CCNQ: variants seen among roughly 807,000 people sequenced by gnomAD.
CCNQ encodes cyclin Q, also known as cyclin-Q.
Under a neutral mutation model 17.7 loss-of-function variants are expected in CCNQ, and 3 were observed. The observed-to-expected ratio is 0.17, with a 90% confidence interval of 0.08 to 0.44. The LOEUF is 0.44. Ranked by LOEUF, CCNQ falls within the 20% of genes least tolerant of loss-of-function variation. The pLI, the probability that CCNQ is intolerant of heterozygous loss-of-function variation, is 0.99. For missense variants in CCNQ, 146 were observed against 222.6 expected (o/e 0.66, Z 2.19); for synonymous variants, 73 against 96.0 (o/e 0.76, Z 1.40).
At chrX:153,591,576 A>T (rs1184984966) in intron 4 of CCNQ, among the ~76,000 whole-genome samples, 1 of 111,187 alleles carries the variant, frequency 9.0e-6, no homozygotes, top group Admixed American at 9.5e-5. Context: ...GGCCACACCC[A>T]CCAGATGTCC....
intron 1 of CCNQ, 54 bp downstream of exon 1, chrX:153,598,908 T>A: frequency 1.1e-6 from 1 of 943,733 alleles, no homozygotes; most frequent in Admixed American, 3.9e-5. Context: ...CCGGGCCCGC[T>A]CCGCGAAGCG....
intron 4 of CCNQ, among the ~76,000 whole-genome samples, chrX:153,592,046 T>C (rs1197217409): frequency 1.8e-5 from 2 of 110,579 alleles, no homozygotes; most frequent in Non-Finnish European, 3.8e-5. Flanking sequence ...TATTAATACC[T>C]ATCAATCACC....
chrX:153,596,731 G>T (rs2091031077), intron 1 of CCNQ, among the ~76,000 whole-genome samples: 1 of 112,706 alleles, frequency 8.9e-6, no homozygotes, highest in Admixed American at 9.4e-5. Context: ...CAGGTTAGAA[G>T]AGGTGAGCAA....
At chrX:153,593,011 A>G (rs1365767326) in intron 3 of CCNQ, among the ~76,000 whole-genome samples, 2 of 111,779 alleles carry the variant, frequency 1.8e-5, no homozygotes, top group Non-Finnish European at 3.8e-5. Context: ...GAAACCTACG[A>G]GGGCCACCCC....
In CCNQ at chrX:153,587,925, T is replaced by A. The variant is rs933139843; in HGVS notation, c.*440A>T. ...TGCAGAGCAAAGCCAAGGGTCCCTA[T>A]TGACTTGTATCACCTTTTATTACAC... On this transcript the variant is annotated 3_prime_UTR_variant, in exon 5 of 5. Coordinates refer to ENST00000576892, the MANE Select transcript of CCNQ (RefSeq NM_152274.5). The A allele has an allele frequency of 3.9e-6, 1 of 258,186 alleles. No individual in the cohort carries two copies. The highest frequency in any genetic ancestry group is 2.8e-5 in the African/African-American group (1 of 35,502). The allele number at this position is 258,186 out of a possible 1,213,427, so 21.3% of individuals were successfully genotyped here.
In CCNQ at chrX:153,594,631, C is replaced by T; in HGVS notation, c.345G>A (p.Trp115Ter). 8.3e-7 allele frequency: 1 copy of T among 1,211,555 alleles called. No individual in the cohort carries two copies. Among genetic ancestry groups the T allele is most frequent in the Non-Finnish European group, 1.1e-6 (1 of 895,354 alleles). ...GEPLELDSRF[W>*]ELRDSIVQCE... ...ACTGCACGATGCTGTCCCGGAGTTC[C>T]CAGAAGCGGGAGTCCAATTCCAGGG... Residue 115 changes from tryptophan (W) to a stop codon, truncating the protein, a stop_gained, in exon 3 of 5, where the codon TGG becomes TGA. Coordinates refer to ENST00000576892, the MANE Select transcript of CCNQ (RefSeq NM_152274.5). LOFTEE classifies it high-confidence loss of function.
intron 1 of CCNQ, 113 bp from the exon 2 acceptor site, chrX:153,596,300 T>C: frequency 1.2e-6 from 1 of 844,014 alleles, no homozygotes; most frequent in Middle Eastern, 3.3e-4. Context: ...TGGACAAGGC[T>C]AAGAACTTCC....
chrX:153,590,231 T>TAAAAAAA (rs59053078), intron 4 of CCNQ, among the ~76,000 whole-genome samples: 3 of 26,452 alleles, frequency 1.1e-4, no homozygotes, highest in African/African-American at 5.2e-4. Context: ...CTGTCTCTAT[T>TAAAAAAA]AAAAAAAAAA....
rs1557026607 is a variant in CCNQ, at chrX:153,594,672, T to C, written c.304A>G (p.Asn102Asp). 1 of 1,211,504 alleles carries C rather than the reference T, an allele frequency of 8.3e-7. No individual in the cohort carries two copies. Among genetic ancestry groups the C allele is most frequent in the Non-Finnish European group, 1.1e-6 (1 of 895,406 alleles). ...DIINVSNRYF[N>D]PSGEPLELDS... Reference sequence around the variant, plus strand: ...AATTCCAGGGGCTCACCGCTTGGGTTAAAGTACCTGCGCAGAGAAATGGCA... The same window carrying C: ...AATTCCAGGGGCTCACCGCTTGGGTCAAAGTACCTGCGCAGAGAAATGGCA... Residue 102 changes from asparagine (N) to aspartate (D), a missense_variant, in exon 3 of 5, where the codon AAC becomes GAC. Transcript: ENST00000576892.
rs5987102 is a variant in CCNQ at position 153,588,869 on chromosome X, C to T, written c.658-415G>A. Among the ~76,000 whole-genome samples the T allele has an allele frequency of 7.5e-3, 842 of 112,971 alleles. 12 individuals are homozygous for T. The highest frequency in any genetic ancestry group is 0.025 in the African/African-American group (790 of 31,174). ...CAGGCTAAGTACCCGGACCCCACGC[C>T]TACCCTAACCCAGCCCCTGGGGAGC... On this transcript the variant is annotated intron_variant, in intron 4 of 4. Transcript: ENST00000576892.
intron 1 of CCNQ, 34 bp downstream of exon 1, chrX:153,598,928 G>A: frequency 9.7e-7 from 1 of 1,035,582 alleles, no homozygotes; most frequent in Non-Finnish European, 1.3e-6. Context: ...GGGCCGCGGC[G>A]CCGCCTGTCC....
At chrX:153,588,572 T>C in intron 4 of CCNQ, 118 bp from the exon 5 acceptor site, 1 of 571,305 alleles carries the variant, frequency 1.8e-6, no homozygotes, top group Non-Finnish European at 3.1e-6. Context: ...GACTTGGCTA[T>C]GTAGGAAGAC....
intron 3 of CCNQ, among the ~76,000 whole-genome samples, chrX:153,593,437 AC>A (rs1324821639): frequency 2.7e-5 from 3 of 109,781 alleles, no homozygotes; most frequent in African/African-American, 1.0e-4. Flanking sequence ...CAGATCACAC[AC>A]CCCTTGAGGT....
At chrX:153,591,978 G>C (rs1409082193) in intron 4 of CCNQ, among the ~76,000 whole-genome samples, 1 of 110,525 alleles carries the variant, frequency 9.0e-6, no homozygotes, top group South Asian at 3.9e-4. Flanking sequence ...CAGCCACCTG[G>C]AAAGCTGTCC....
At chrX:153,590,866 T>C (rs782088442) in intron 4 of CCNQ, among the ~76,000 whole-genome samples, 7 of 111,646 alleles carry the variant, frequency 6.3e-5, no homozygotes, top group Middle Eastern at 4.6e-3. Flanking sequence ...AGGTTCTCCT[T>C]CTGCTCAGGA....
Position 153,588,014 on chromosome X carries a change from T to TAAAAGGGATTTCTTAAA in CCNQ, c.*350_*351insTTTAAGAAATCCCTTTT, listed in dbSNP as rs2090965270. On this transcript the variant is annotated 3_prime_UTR_variant, in exon 5 of 5. Coordinates refer to ENST00000576892, the MANE Select transcript of CCNQ (RefSeq NM_152274.5). ...ACAAATCTGGCTTTTAAGAAATCCG[T>TAAAAGGGATTTCTTAAA]AGGGATTCAGTCTCATCGATTTCAT... is the stretch of plus-strand genomic sequence containing the variant. 2.7e-6 allele frequency: 1 copy of TAAAAGGGATTTCTTAAA among 367,526 alleles called. No homozygotes were observed. Among genetic ancestry groups the TAAAAGGGATTTCTTAAA allele is most frequent in the Non-Finnish European group, 4.9e-6 (1 of 205,198 alleles). 30.3% of individuals were successfully genotyped at this position (367,526 alleles called of 1,213,427 possible).
rs59053078 is a variant in CCNQ, at chrX:153,590,231, T to TAAAAAAAAAAAAAAAAA, written c.658-1794_658-1778dup. 9.1e-4 allele frequency among the ~76,000 whole-genome samples: 24 copies of TAAAAAAAAAAAAAAAAA among 26,452 alleles called. 3 individuals are homozygous for TAAAAAAAAAAAAAAAAA. Among genetic ancestry groups the TAAAAAAAAAAAAAAAAA allele is most frequent in the African/African-American group, 1.2e-3 (7 of 5,736 alleles). 23.0% of individuals were successfully genotyped at this position (26,452 alleles called of 115,157 possible). A position where few individuals can be genotyped will look rare whatever the true frequency, so the allele number is the denominator to read the frequency against. On this transcript the variant is annotated intron_variant, in intron 4 of 4. Coordinates refer to ENST00000576892, the MANE Select transcript of CCNQ (RefSeq NM_152274.5). Reference sequence around the variant, plus strand: ...CAATAGAGTGAGACTCTGTCTCTATTAAAAAAAAAAAAAAAAAAAAAAAAA... The same window carrying TAAAAAAAAAAAAAAAAA: ...CAATAGAGTGAGACTCTGTCTCTATTAAAAAAAAAAAAAAAAAAAAAAAAAAAAAAAAAAAAAAAAAA...
chrX:153,589,736 A>T (rs1309104075), intron 4 of CCNQ, among the ~76,000 whole-genome samples: 1 of 112,350 alleles, frequency 8.9e-6, no homozygotes, highest in Non-Finnish European at 1.9e-5. Context: ...GCTCCCAAAG[A>T]ACCCTAGGTT....
In CCNQ at chrX:153,588,160, C is replaced by T. The variant is rs1557024892; in HGVS notation, c.*205G>A. On this transcript the variant is annotated 3_prime_UTR_variant, in exon 5 of 5. Transcript: ENST00000576892. Reference sequence around the variant, plus strand: ...ACACTCCCGGCCTGCCCGCTGGAGGCGCGGCTCCCACCATCACCTGCACCG... The same window carrying T: ...ACACTCCCGGCCTGCCCGCTGGAGGTGCGGCTCCCACCATCACCTGCACCG... 4 of 523,041 alleles carry T rather than the reference C, an allele frequency of 7.6e-6. No homozygotes were observed. The highest frequency in any genetic ancestry group is 1.4e-5 in the Non-Finnish European group (4 of 285,492). The allele number at this position is 523,041 out of a possible 1,213,427, so 43.1% of individuals were successfully genotyped here. A position where few individuals can be genotyped will look rare whatever the true frequency, so the allele number is the denominator to read the frequency against.
Sources: gnomAD v4.1 joint callset for allele counts (sites outside exome capture counted in the v4.1 genomes callset) on GRCh38, gnomAD v4.1.1 for gene constraint, MANE v1.5 for transcripts, NCBI Gene and HGNC (gene_info 2026-07-23, HGNC 2026-07-21) for gene names.